The following POT1 variants were observed in gnomAD, a reference collection of about 807,000 sequenced individuals.
The protein encoded by POT1 is protection of telomeres 1.
A neutral mutation model predicts 78.5 loss-of-function variants in POT1; 47 were observed. That is an observed-to-expected ratio of 0.60 (90% CI 0.47 to 0.76). The LOEUF is 0.76. Among genes scored for constraint, POT1 ranks in the 30% least tolerant of loss-of-function variants. The pLI is 0.00. For missense variants in POT1, 646 were observed against 749.9 expected, an observed-to-expected ratio of 0.86 and a Z score of 1.62; for synonymous variants, 259 against 260.7, an observed-to-expected ratio of 0.99 and a Z score of 0.06.
intron 6 of POT1, among the ~76,000 whole-genome samples, chr7:124,883,462 T>C (rs1796170182): frequency 1.3e-5 from 2 of 152,146 alleles, no homozygotes; most frequent in Non-Finnish European, 2.9e-5. Flanking sequence ...CATGTCATAT[T>C]ATCTGGCATA....
At chr7:124,871,573 G>A (rs889899795) in intron 6 of POT1, among the ~76,000 whole-genome samples, 2 of 151,844 alleles carry the variant, frequency 1.3e-5, no homozygotes, top group Admixed American at 1.3e-4. Context: ...AGAGAAAATG[G>A]TAATTCTTGC....
intron 2 of POT1, among the ~76,000 whole-genome samples, chr7:124,924,701 G>A (rs1329890372): frequency 6.6e-6 from 1 of 151,972 alleles, no homozygotes; most frequent in Non-Finnish European, 1.5e-5. Flanking sequence ...TGACATCGAT[G>A]CAAAATTATT....
chr7:124,823,773 A>G lies in POT1; in HGVS notation c.*189T>C, dbSNP rs192563259. On this transcript the variant is annotated 3_prime_UTR_variant, in exon 19 of 19. Coordinates refer to ENST00000357628, the MANE Select transcript of POT1 (RefSeq NM_015450.3). ...GTACAAAAGCAAAACAGAAAGCAAA[A>G]CAAAATCCATAGCCATTATTTACCT... The G allele has an allele frequency of 2.0e-5, 11 of 540,586 alleles. No individual in the cohort carries two copies. The Admixed American group carries it at 4.3e-4, about 21-fold the overall frequency. The allele number at this position is 540,586 out of a possible 1,614,324, so 33.5% of individuals were successfully genotyped here.
At chr7:124,830,215 G>A (rs1794726443) in intron 15 of POT1, among the ~76,000 whole-genome samples, 1 of 152,118 alleles carries the variant, frequency 6.6e-6, no homozygotes, top group Admixed American at 6.5e-5. Flanking sequence ...GCATTGTGTA[G>A]TACAGTTATT....
intron 7 of POT1, among the ~76,000 whole-genome samples, chr7:124,864,020 C>A (rs66526112): frequency 0.22 from 32,842 of 151,902 alleles, 3,974 homozygotes; most frequent in East Asian, 0.3. Flanking sequence ...TAGAAAAGAC[C>A]AGAACACTTG....
chr7:124,883,870 G>C (rs1796181608), intron 6 of POT1, among the ~76,000 whole-genome samples: 1 of 150,756 alleles, frequency 6.6e-6, no homozygotes, highest in African/African-American at 2.4e-5. Context: ...CATCATACTA[G>C]ATTCTTTCAT....
intron 3 of POT1, among the ~76,000 whole-genome samples, chr7:124,902,021 C>T (rs1170821590): frequency 2.0e-5 from 3 of 152,136 alleles, no homozygotes; most frequent in African/African-American, 7.2e-5. Flanking sequence ...AAATATGGGA[C>T]TATAAGAAAA....
chr7:124,853,152 C>A lies in POT1; in HGVS notation c.703-14G>T. 6.5e-7 allele frequency: 1 copy of A among 1,532,412 alleles called. No individual in the cohort carries two copies. The highest frequency in any genetic ancestry group is 1.2e-5 in the South Asian group (1 of 83,006). 94.9% of individuals were successfully genotyped at this position (1,532,412 alleles called of 1,614,324 possible). The stretch of plus-strand genomic sequence containing the variant: ...AAAGCTTCCAACCTAAAAAATAGAT[C>A]ATTTGTTATTTAGAAAGTGGGGAAA... On this transcript the variant is annotated splice_polypyrimidine_tract_variant and intron_variant, in intron 9 of 18. Transcript: ENST00000357628.
intron 8 of POT1, among the ~76,000 whole-genome samples, chr7:124,862,377 T>A (rs1236037041): frequency 1.3e-5 from 2 of 152,222 alleles, no homozygotes; most frequent in Admixed American, 1.3e-4. Context: ...GTTAAGAATG[T>A]CACTTTTGCC....
chr7:124,894,312 G>A (rs1179571931), intron 5 of POT1, among the ~76,000 whole-genome samples: 1 of 151,480 alleles, frequency 6.6e-6, no homozygotes, highest in African/African-American at 2.4e-5. Context: ...AATAATGGAA[G>A]AGAAGCATAC....
intron 2 of POT1, among the ~76,000 whole-genome samples, chr7:124,919,586 G>A (rs1797098159): frequency 6.6e-6 from 1 of 151,952 alleles, no homozygotes; most frequent in Non-Finnish European, 1.5e-5. Flanking sequence ...AAGAAAATGG[G>A]ACACACAGAA....
intron 5 of POT1, among the ~76,000 whole-genome samples, 160 bp downstream of exon 5, chr7:124,897,002 CATT>C (rs1166115838): frequency 6.6e-6 from 1 of 151,562 alleles, no homozygotes; most frequent in Non-Finnish European, 1.5e-5. Context: ...TCTAATATAA[CATT>C]ATCAGCTATA....
intron 1 of POT1, 41 bp from the exon 2 acceptor site, chr7:124,929,040 A>G (rs1446359475): frequency 6.6e-6 from 1 of 152,592 alleles, no homozygotes; most frequent in African/African-American, 2.4e-5. Context: ...AATGAAGTCA[A>G]TAATTTGCTT....
intron 12 of POT1, among the ~76,000 whole-genome samples, chr7:124,846,738 T>C (rs1273704698): frequency 2.0e-5 from 3 of 148,936 alleles, no homozygotes; most frequent in Non-Finnish European, 4.5e-5. Flanking sequence ...ACTTAAAATA[T>C]GCAATGTAAA....
chr7:124,875,321 G>A (rs951455918), intron 6 of POT1, among the ~76,000 whole-genome samples: 2 of 151,842 alleles, frequency 1.3e-5, no homozygotes, highest in African/African-American at 4.8e-5. Context: ...TTATTTCTGT[G>A]TACACTTAAA....
intron 16 of POT1, among the ~76,000 whole-genome samples, chr7:124,827,869 A>C (rs1366752966): frequency 1.3e-5 from 2 of 152,030 alleles, no homozygotes; most frequent in African/African-American, 4.8e-5. Context: ...GTCTCTACTA[A>C]AAATACCAAA....
At position 124,841,156 on chromosome 7, in the gene POT1, C is replaced by G; in HGVS notation, c.1186G>C (p.Asp396His). ...CCATCCTGAAAAATTATATCCAAATCGCCCTCATGTGGAACTTCTTGCCTA... is the reference window on the plus strand; with the variant it reads ...CCATCCTGAAAAATTATATCCAAATGGCCCTCATGTGGAACTTCTTGCCTA... ...HLLQEVPHEGDLDIIFQDGAT... is the reference protein window; with the variant it reads ...HLLQEVPHEGHLDIIFQDGAT... Residue 396 changes from aspartate to histidine, a missense_variant, in exon 14 of 19, where the codon GAT (aspartate) becomes CAT (histidine). Asp to His is a moderately conservative substitution (Grantham distance 81). Coordinates refer to ENST00000357628, the MANE Select transcript of POT1 (RefSeq NM_015450.3). The G allele has an allele frequency of 3.1e-6, 5 of 1,612,054 alleles. No homozygotes were observed. The highest frequency in any genetic ancestry group is 4.2e-6 in the Non-Finnish European group (5 of 1,178,874).
Position 124,829,969 on chromosome 7 carries a change from A to T in POT1, c.1506-627T>A, listed in dbSNP as rs192090528. ...TGCCTTGGCCTCCCAAAGTACTGGG[A>T]TTACAGGTGTGAGCCACCATACCTG... On this transcript the variant is annotated intron_variant, in intron 15 of 18. Coordinates refer to ENST00000357628, the MANE Select transcript of POT1 (RefSeq NM_015450.3). Among the ~76,000 whole-genome samples, 110 of 152,272 alleles carry T rather than the reference A, an allele frequency of 7.2e-4. 1 individual carries two copies. Among genetic ancestry groups the T allele is most frequent in the African/African-American group, 2.4e-3 (101 of 41,552 alleles).
intron 6 of POT1, among the ~76,000 whole-genome samples, chr7:124,874,503 T>G (rs1336685291): frequency 1.3e-5 from 2 of 150,586 alleles, no homozygotes; most frequent in Non-Finnish European, 3.0e-5. Flanking sequence ...GGAGGCCGAG[T>G]GGGTGGATCA....
Sources: allele counts gnomAD v4.1 joint callset (sites outside exome capture counted in the v4.1 genomes callset), GRCh38; gene constraint gnomAD v4.1.1; transcripts MANE v1.5; gene names NCBI Gene and HGNC (gene_info 2026-07-23, HGNC 2026-07-21).